The following AMOTL1 variants were observed in gnomAD, a reference collection of about 807,000 sequenced individuals.
AMOTL1 encodes the protein angiomotin-like protein 1.
In AMOTL1, 45 loss-of-function variants were observed where a neutral mutation model predicts 102.9. The observed-to-expected ratio is 0.44, with a 90% CI of 0.34 to 0.56. The LOEUF (loss-of-function observed/expected upper bound fraction) is 0.56, where lower values mean the gene tolerates loss of function less well. Ranked by LOEUF, AMOTL1 falls within the 20% of genes least tolerant of loss-of-function variation. AMOTL1 has a pLI of 0.01. For missense variants in AMOTL1, 1,114 were observed against 1,225.6 expected (o/e 0.91, Z 1.36); for synonymous variants, 481 against 484.7 (o/e 0.99, Z 0.10).
intron 3 of AMOTL1, among the ~76,000 whole-genome samples, chr11:94,802,692 T>C (rs3858371): frequency 0.33 from 50,355 of 152,116 alleles, 9,435 homozygotes; most frequent in Admixed American, 0.48. Flanking sequence ...TGAGGCTGGG[T>C]CCCAGAGCCA....
At chr11:94,827,287 C>T (rs1025600485) in intron 4 of AMOTL1, among the ~76,000 whole-genome samples, 21 of 152,166 alleles carry the variant, frequency 1.4e-4, no homozygotes, top group African/African-American at 5.1e-4. Flanking sequence ...AAGGAAGCCT[C>T]GCTAGTTGTC....
intron 2 of AMOTL1, among the ~76,000 whole-genome samples, chr11:94,736,871 G>C (rs763553638): frequency 6.6e-6 from 1 of 152,346 alleles, no homozygotes; most frequent in South Asian, 2.1e-4. Context: ...GAAGGGCACT[G>C]ATCATCTCTG....
intron 8 of AMOTL1, among the ~76,000 whole-genome samples, 176 bp from the exon 9 acceptor site, chr11:94,859,349 A>G (rs747817380): frequency 6.6e-6 from 1 of 152,140 alleles, no homozygotes; most frequent in South Asian, 2.1e-4. Context: ...CTGGGATAAT[A>G]TTGTCGTTTT....
chr11:94,767,020 G>T (rs1383210032), upstream of AMOTL1, among the ~76,000 whole-genome samples: 1 of 151,962 alleles, frequency 6.6e-6, no homozygotes, highest in Non-Finnish European at 1.5e-5. Flanking sequence ...TTTCTGCTGT[G>T]TCTGAACTCC....
chr11:94,859,478 G>A (rs1249324304), intron 8 of AMOTL1, 47 bp from the exon 9 acceptor site: 3 of 1,548,866 alleles, frequency 1.9e-6, no homozygotes, highest in Non-Finnish European at 2.6e-6. Context: ...TGTGTAGACA[G>A]CATTGATGTG....
intron 1 of AMOTL1, among the ~76,000 whole-genome samples, chr11:94,786,948 A>G (rs182370036): frequency 2.0e-5 from 3 of 152,014 alleles, no homozygotes; most frequent in Admixed American, 2.0e-4. Context: ...TAAAATAAAT[A>G]TGTGTTGAGT....
At chr11:94,807,997 C>CA (rs1380935292) in intron 3 of AMOTL1, among the ~76,000 whole-genome samples, 3 of 124,828 alleles carry the variant, frequency 2.4e-5, no homozygotes, top group African/African-American at 9.3e-5. Context: ...CTTGGGACCC[C>CA]AAAATCACTA....
At chr11:94,853,852 A>T in intron 7 of AMOTL1, 81 bp from the exon 8 acceptor site, 1 of 1,507,412 alleles carries the variant, frequency 6.6e-7, no homozygotes, top group Non-Finnish European at 9.0e-7. Flanking sequence ...ATCTCCAGGT[A>T]ATCTGACCCC....
intron 3 of AMOTL1, among the ~76,000 whole-genome samples, chr11:94,801,209 G>A (rs1471660452): frequency 2.0e-5 from 3 of 152,174 alleles, no homozygotes; most frequent in Non-Finnish European, 4.4e-5. Flanking sequence ...CAGAGTTGTA[G>A]GGTAGAGATG....
intron 1 of AMOTL1, among the ~76,000 whole-genome samples, chr11:94,790,179 A>T (rs1436517054): frequency 6.6e-6 from 1 of 152,214 alleles, no homozygotes; most frequent in Non-Finnish European, 1.5e-5. Flanking sequence ...TCCAGAGAAT[A>T]CCGCCATGTT....
intron 1 of AMOTL1, among the ~76,000 whole-genome samples, chr11:94,772,458 TA>T (rs1950967290): frequency 6.6e-6 from 1 of 152,240 alleles, no homozygotes; most frequent in Non-Finnish European, 1.5e-5. Context: ...GAATGTTACA[TA>T]AATACAATCA....
chr11:94,773,284 C>T (rs940641539), intron 1 of AMOTL1, among the ~76,000 whole-genome samples: 3 of 152,194 alleles, frequency 2.0e-5, no homozygotes, highest in Non-Finnish European at 4.4e-5. Flanking sequence ...CATCTAAGAA[C>T]ATTTTGCCTA....
intron 8 of AMOTL1, 47 bp from the exon 9 acceptor site, chr11:94,859,478 G>T: frequency 6.5e-7 from 1 of 1,548,984 alleles, no homozygotes; most frequent in Non-Finnish European, 8.7e-7. Context: ...TGTGTAGACA[G>T]CATTGATGTG....
At chr11:94,820,756 G>A (rs563046248) in intron 3 of AMOTL1, among the ~76,000 whole-genome samples, 1 of 152,070 alleles carries the variant, frequency 6.6e-6, no homozygotes, top group Non-Finnish European at 1.5e-5. Context: ...GGGTTGATGG[G>A]AAACAGTGAC....
intron 3 of AMOTL1, among the ~76,000 whole-genome samples, chr11:94,809,259 C>T (rs1951627958): frequency 6.6e-6 from 1 of 152,166 alleles, no homozygotes. Context: ...GCATGAGCCA[C>T]TGCGCCTGGC....
chr11:94,821,265 T>C (rs763264640), intron 3 of AMOTL1, among the ~76,000 whole-genome samples: 21 of 152,220 alleles, frequency 1.4e-4, no homozygotes, highest in Non-Finnish European at 3.1e-4. Context: ...GTTTTGATAC[T>C]TGGCTTTATT....
chr11:94,808,720 C>A (rs1490353989), intron 3 of AMOTL1, among the ~76,000 whole-genome samples: 10 of 151,956 alleles, frequency 6.6e-5, no homozygotes, highest in Non-Finnish European at 1.0e-4. Flanking sequence ...TCTCACTGTT[C>A]AATAGAAATG....
intron 1 of AMOTL1, among the ~76,000 whole-genome samples, chr11:94,707,242 CTCTCTCTCT>C (rs1490147262): frequency 4.0e-5 from 2 of 50,592 alleles, no homozygotes; most frequent in African/African-American, 8.6e-5. Flanking sequence ...CTCTCTCTCT[CTCTCTCTCT>C]GTGTGTGTGT....
At chr11:94,760,207 G>A (rs1950775087) in intron 3 of AMOTL1, among the ~76,000 whole-genome samples, 1 of 152,150 alleles carries the variant, frequency 6.6e-6, no homozygotes, top group Admixed American at 6.5e-5. Context: ...CATAGACTGT[G>A]GAGTTTACTT....
Sources: gnomAD v4.1 joint callset for allele counts (sites outside exome capture counted in the v4.1 genomes callset) on GRCh38, gnomAD v4.1.1 for gene constraint, MANE v1.5 for transcripts, NCBI Gene and HGNC (gene_info 2026-07-23, HGNC 2026-07-21) for gene names.